Variants in CDH6 observed in about 807,000 individuals in gnomAD.
CDH6 encodes the protein cadherin 6, also known as cadherin-6.
In CDH6, 31 loss-of-function variants were observed where a neutral mutation model predicts 78.0. The ratio of observed to expected loss-of-function variants is 0.40; its 90% confidence interval spans 0.30 to 0.54. CDH6 has a LOEUF of 0.54. Ranked by LOEUF, CDH6 falls within the 20% of genes least tolerant of loss-of-function variation. CDH6 has a pLI of 0.56. For synonymous variants in CDH6, 376 were observed against 368.8 expected, an observed-to-expected ratio of 1.02 and a Z score of -0.23; for missense variants, 724 against 975.9, an observed-to-expected ratio of 0.74 and a Z score of 3.44.
chr5:31,261,144 T>A (rs1028063693), intron 1 of CDH6, among the ~76,000 whole-genome samples: 1 of 152,192 alleles, frequency 6.6e-6, no homozygotes, highest in Non-Finnish European at 1.5e-5. Flanking sequence ...TCACTCTGTT[T>A]AATTCATCTT....
chr5:31,241,590 G>T (rs1741602159), intron 1 of CDH6, among the ~76,000 whole-genome samples: 1 of 152,248 alleles, frequency 6.6e-6, no homozygotes, highest in Non-Finnish European at 1.5e-5. Context: ...TGAAGTGGGT[G>T]TCCTTGGTCA....
intron 1 of CDH6, among the ~76,000 whole-genome samples, chr5:31,245,085 T>C (rs1428847960): frequency 1.3e-5 from 2 of 152,176 alleles, no homozygotes; most frequent in Non-Finnish European, 2.9e-5. Flanking sequence ...ACCACATCTC[T>C]TGCCCCAGTG....
chr5:31,195,722 C>G (rs1217170628), intron 1 of CDH6, among the ~76,000 whole-genome samples: 2 of 152,180 alleles, frequency 1.3e-5, no homozygotes, highest in African/African-American at 4.8e-5. Context: ...CAACAATTGA[C>G]TGGAAAATGC....
At chr5:31,283,140 G>A (rs1742906399) in intron 2 of CDH6, among the ~76,000 whole-genome samples, 1 of 152,200 alleles carries the variant, frequency 6.6e-6, no homozygotes, top group Non-Finnish European at 1.5e-5. Flanking sequence ...ATCTTGGGAA[G>A]ACGCTACTGG....
intron 7 of CDH6, among the ~76,000 whole-genome samples, chr5:31,307,831 C>A (rs1047985669): frequency 1.3e-5 from 2 of 152,100 alleles, no homozygotes; most frequent in Non-Finnish European, 2.9e-5. Context: ...ATCTATATTA[C>A]TTTTCATACC....
chr5:31,210,452 C>T (rs973351031), intron 1 of CDH6, among the ~76,000 whole-genome samples: 2 of 151,934 alleles, frequency 1.3e-5, no homozygotes, highest in Non-Finnish European at 2.9e-5. Flanking sequence ...TGCAGTGAGC[C>T]GAGATCACGC....
At chr5:31,290,721 G>A (rs1359156086) in intron 2 of CDH6, among the ~76,000 whole-genome samples, 1 of 152,078 alleles carries the variant, frequency 6.6e-6, no homozygotes, top group Non-Finnish European at 1.5e-5. Context: ...GAGGAGAGTG[G>A]GGAGAAAAAG....
chr5:31,254,360 C>A (rs1013501068), intron 1 of CDH6, among the ~76,000 whole-genome samples: 1 of 152,102 alleles, frequency 6.6e-6, no homozygotes, highest in Admixed American at 6.6e-5. Context: ...AAATTGTATG[C>A]CGAGGTTGCT....
At position 31,328,345 on chromosome 5, in the gene CDH6, C is replaced by T. The variant is rs1050767902; in HGVS notation, c.*5037C>T. On this transcript the variant is annotated 3_prime_UTR_variant, in exon 12 of 12. Coordinates refer to ENST00000265071, the MANE Select transcript of CDH6 (RefSeq NM_004932.4). ...GGCTACGTTATTTATGTAAATATGTCTGGAGGCACCTTCTCTAAGCTTTTA... is the reference window on the plus strand; with the variant it reads ...GGCTACGTTATTTATGTAAATATGTTTGGAGGCACCTTCTCTAAGCTTTTA... 1 of 200,118 alleles carries T rather than the reference C, an allele frequency of 5.0e-6. No individual in the cohort carries two copies. The highest frequency in any genetic ancestry group is 1.0e-5 in the Non-Finnish European group (1 of 97,076). 12.4% of individuals were successfully genotyped at this position (200,118 alleles called of 1,614,324 possible). A position where few individuals can be genotyped will look rare whatever the true frequency, so the allele number is the denominator to read the frequency against.
At chr5:31,215,040 G>A (rs1435365115) in intron 1 of CDH6, among the ~76,000 whole-genome samples, 2 of 152,144 alleles carry the variant, frequency 1.3e-5, no homozygotes, top group East Asian at 3.8e-4. Flanking sequence ...TGAATGATGT[G>A]TATAATTAAC....
intron 1 of CDH6, among the ~76,000 whole-genome samples, chr5:31,225,300 C>T (rs1741120863): frequency 1.3e-5 from 2 of 152,156 alleles, no homozygotes; most frequent in Admixed American, 1.3e-4. Flanking sequence ...GACATCATCC[C>T]TCAGAGTCTC....
rs1044711150 is a variant in CDH6 at position 31,324,314 on chromosome 5, A to G, written c.*1006A>G. The G allele has an allele frequency of 5.2e-5, 11 of 212,878 alleles. No individual in the cohort carries two copies. In the Middle Eastern group the frequency reaches 4.5e-3, roughly 87 times the overall value. The allele number at this position is 212,878 out of a possible 1,614,324, so 13.2% of individuals were successfully genotyped here. A position where few individuals can be genotyped will look rare whatever the true frequency, so the allele number is the denominator to read the frequency against. On this transcript the variant is annotated 3_prime_UTR_variant, in exon 12 of 12. Transcript: ENST00000265071. ...TATCCTTCTTACACGACTAAGTTGA[A>G]TTAGTAAAGTTAGATTAAATAAAAC...
intron 1 of CDH6, among the ~76,000 whole-genome samples, chr5:31,207,724 A>G (rs1740570527): frequency 6.6e-6 from 1 of 152,226 alleles, no homozygotes; most frequent in Admixed American, 6.5e-5. Flanking sequence ...ACTCTGGACA[A>G]CATTTATATA....
chr5:31,204,196 C>T (rs1427315696), intron 1 of CDH6, among the ~76,000 whole-genome samples: 1 of 152,188 alleles, frequency 6.6e-6, no homozygotes, highest in East Asian at 1.9e-4. Context: ...TGTTACCACA[C>T]TCCAAAATAT....
At chr5:31,211,469 C>G (rs1579817943) in intron 1 of CDH6, among the ~76,000 whole-genome samples, 2 of 151,802 alleles carry the variant, frequency 1.3e-5, no homozygotes, top group East Asian at 3.9e-4. Flanking sequence ...TATAAATATC[C>G]CAAATCCTTC....
chr5:31,207,358 C>T (rs552283096), intron 1 of CDH6, among the ~76,000 whole-genome samples: 2 of 152,130 alleles, frequency 1.3e-5, no homozygotes, highest in Non-Finnish European at 2.9e-5. Context: ...TCCAGCTGAC[C>T]AGTGCTCCCA....
chr5:31,213,618 C>G (rs972040965), intron 1 of CDH6, among the ~76,000 whole-genome samples: 4 of 152,076 alleles, frequency 2.6e-5, no homozygotes, highest in Non-Finnish European at 4.4e-5. Flanking sequence ...TTTTTTAAAG[C>G]CTTTTCGGAA....
At chr5:31,209,539 C>A (rs1306349194) in intron 1 of CDH6, among the ~76,000 whole-genome samples, 1 of 152,054 alleles carries the variant, frequency 6.6e-6, no homozygotes, top group African/African-American at 2.4e-5. Flanking sequence ...ACGGGAAAGG[C>A]GGTCAGAAAA....
intron 1 of CDH6, among the ~76,000 whole-genome samples, chr5:31,226,512 T>A (rs1326380891): frequency 1.3e-5 from 2 of 152,188 alleles, no homozygotes; most frequent in African/African-American, 4.8e-5. Flanking sequence ...AGTGATCATC[T>A]CTTCAAGTAA....
Sources: allele counts gnomAD v4.1 joint callset (sites outside exome capture counted in the v4.1 genomes callset), GRCh38; gene constraint gnomAD v4.1.1; transcripts MANE v1.5; gene names NCBI Gene and HGNC (gene_info 2026-07-23, HGNC 2026-07-21).